Variants in OVCH1 observed in about 807,000 individuals in gnomAD.
OVCH1 encodes the protein ovochymase 1, also known as ovochymase-1.
A neutral mutation model predicts 138.4 loss-of-function variants in OVCH1; 139 were observed. The observed-to-expected ratio is 1.00, with a 90% CI of 0.87 to 1.16. OVCH1 has a LOEUF of 1.16. Among genes scored for constraint, OVCH1 ranks in the 50% most tolerant of loss-of-function variants. The probability of loss-of-function intolerance (pLI) is 0.00; values close to 1 mark genes in which losing one functional copy is unlikely to be tolerated. For missense variants in OVCH1, 1,367 were observed against 1,357.9 expected (o/e 1.01, Z -0.11); for synonymous variants, 453 against 467.8 (o/e 0.97, Z 0.41).
At chr12:29,437,898 C>A (rs1321653900) in intron 26 of OVCH1, among the ~76,000 whole-genome samples, 1 of 152,100 alleles carries the variant, frequency 6.6e-6, no homozygotes, top group African/African-American at 2.4e-5. Flanking sequence ...AAGACTAAGT[C>A]AAAGGTATCT....
At chr12:29,482,189 T>C (rs1253331525) in intron 8 of OVCH1, among the ~76,000 whole-genome samples, 1 of 152,186 alleles carries the variant, frequency 6.6e-6, no homozygotes, top group Non-Finnish European at 1.5e-5. Flanking sequence ...TTTGGCCACA[T>C]TGCCCCTCTC....
chr12:29,472,181 G>A (rs1397370152), intron 15 of OVCH1, among the ~76,000 whole-genome samples, 199 bp from the exon 16 acceptor site: 1 of 151,994 alleles, frequency 6.6e-6, no homozygotes, highest in East Asian at 1.9e-4. Context: ...AGAATTTTAG[G>A]GACTGGCCTA....
At chr12:29,426,651 C>T (rs1334453218), downstream of OVCH1, among the ~76,000 whole-genome samples, 1 of 152,174 alleles carries the variant, frequency 6.6e-6, no homozygotes, top group African/African-American at 2.4e-5. Flanking sequence ...CATCATAAAC[C>T]TAAGAGTCAT....
chr12:29,436,359 G>A (rs1941359279), intron 26 of OVCH1, among the ~76,000 whole-genome samples: 2 of 146,716 alleles, frequency 1.4e-5, no homozygotes, highest in South Asian at 2.1e-4. Context: ...ACCTCAGTGA[G>A]ATGAAAATAC....
chr12:29,494,018 C>T (rs1026365258), intron 4 of OVCH1, among the ~76,000 whole-genome samples: 1 of 152,192 alleles, frequency 6.6e-6, no homozygotes, highest in Non-Finnish European at 1.5e-5. Context: ...TTTTGTGCCA[C>T]ACAGGTGATG....
chr12:29,452,448 C>A, intron 21 of OVCH1, among the ~76,000 whole-genome samples: 1 of 99,488 alleles, frequency 1.0e-5, no homozygotes, highest in East Asian at 2.4e-4. Flanking sequence ...TGTACAGCTA[C>A]AAGAACCAAT....
At chr12:29,486,002 A>G (rs12317846) in intron 8 of OVCH1, among the ~76,000 whole-genome samples, 94 of 147,654 alleles carry the variant, frequency 6.4e-4, no homozygotes, top group African/African-American at 2.4e-3. Flanking sequence ...ATAAATAAAT[A>G]AATAAATAAA....
chr12:29,411,876 GTCTT>G (rs1355222204), downstream of OVCH1, among the ~76,000 whole-genome samples: 3 of 151,818 alleles, frequency 2.0e-5, no homozygotes, highest in Non-Finnish European at 4.4e-5. Context: ...GGTTACTGCT[GTCTT>G]TTTGTTTGTC....
downstream of OVCH1, chr12:29,427,454 AGAG>A: frequency 7.1e-7 from 1 of 1,399,438 alleles, no homozygotes; most frequent in Non-Finnish European, 9.7e-7. Context: ...ATTGTATGAT[AGAG>A]GAGGTCTCAG....
chr12:29,497,269 C>CCA (rs1943444030), intron 1 of OVCH1, among the ~76,000 whole-genome samples: 1 of 151,868 alleles, frequency 6.6e-6, no homozygotes, highest in East Asian at 1.9e-4. Context: ...CTCAAACAAA[C>CCA]AAACAAAACA....
At chr12:29,492,109 G>A (rs1943289253) in intron 4 of OVCH1, among the ~76,000 whole-genome samples, 1 of 152,170 alleles carries the variant, frequency 6.6e-6, no homozygotes. Flanking sequence ...GGAGATTAGG[G>A]AGAATGGCAT....
chr12:29,493,872 G>T (rs563664916), intron 4 of OVCH1, among the ~76,000 whole-genome samples: 88 of 152,238 alleles, frequency 5.8e-4, no homozygotes, highest in African/African-American at 2.1e-3. Context: ...GCATGTTTCT[G>T]TGCTCGAATT....
At chr12:29,489,692 G>A in exon 6 of OVCH1, 1 of 1,610,220 alleles carries the variant, frequency 6.2e-7, no homozygotes, top group Non-Finnish European at 8.5e-7. Context: ...GGAGGTTCAT[G>A]CTCTTGAGCA....
exon 4 of OVCH1, chr12:29,495,357 G>T (rs1266916507): frequency 6.2e-7 from 1 of 1,613,188 alleles, no homozygotes; most frequent in Admixed American, 1.7e-5. Context: ...TTGTATTCAG[G>T]ATGGGTAATA....
intron 5 of OVCH1, 142 bp from the exon 6 acceptor site, chr12:29,489,913 T>A: frequency 1.1e-6 from 1 of 951,920 alleles, no homozygotes; most frequent in Non-Finnish European, 1.6e-6. Context: ...TCATATTCAC[T>A]TCTAAAAATC....
At chr12:29,472,062 C>A in intron 15 of OVCH1, 80 bp from the exon 16 acceptor site, 1 of 1,337,758 alleles carries the variant, frequency 7.5e-7, no homozygotes, top group Non-Finnish European at 1.0e-6. Flanking sequence ...CCATAGTTAA[C>A]AGTAGTGATT....
chr12:29,407,251 T>G, the OVCH1 span, among the ~76,000 whole-genome samples: 1 of 133,018 alleles, frequency 7.5e-6, no homozygotes, highest in Admixed American at 7.5e-5. Context: ...TCCCATTTTG[T>G]GGGTTGCCTG....
chr12:29,438,315 T>C (rs1941401869), intron 26 of OVCH1, among the ~76,000 whole-genome samples: 1 of 152,146 alleles, frequency 6.6e-6, no homozygotes, highest in East Asian at 1.9e-4. Context: ...CTTCTGATAG[T>C]TTTAATTACC....
chr12:29,433,703 A>C, intron 27 of OVCH1: 1 of 1,394,588 alleles, frequency 7.2e-7, no homozygotes, highest in Non-Finnish European at 9.5e-7. Flanking sequence ...CTCGGTTTAA[A>C]TGTGAGATTT....
Sources: gnomAD v4.1 joint callset for allele counts (sites outside exome capture counted in the v4.1 genomes callset) on GRCh38, gnomAD v4.1.1 for gene constraint, MANE v1.5 for transcripts, NCBI Gene and HGNC (gene_info 2026-07-23, HGNC 2026-07-21) for gene names.